Variants in SMIM13 observed in about 807,000 individuals in gnomAD.
SMIM13 encodes the protein small integral membrane protein 13, also known as UPF0766 protein C6orf228.
A neutral mutation model predicts 5.9 loss-of-function variants in SMIM13; 3 were observed. The ratio of observed to expected loss-of-function variants is 0.51; its 90% CI spans 0.23 to 1.31. SMIM13 has a LOEUF of 1.31. Among genes scored for constraint, SMIM13 ranks in the 40% most tolerant of loss-of-function variants. The pLI is 0.18. For synonymous variants in SMIM13, 55 were observed against 46.0 expected (o/e 1.19, Z -0.79); for missense variants, 85 against 109.9 (o/e 0.77, Z 1.01).
intron 1 of SMIM13, among the ~76,000 whole-genome samples, chr6:11,095,669 A>G (rs986483157): frequency 3.9e-5 from 6 of 152,310 alleles, no homozygotes; most frequent in African/African-American, 1.4e-4. Context: ...TATGTTTAAA[A>G]TTTGTTGTGC....
intron 1 of SMIM13, among the ~76,000 whole-genome samples, chr6:11,116,318 C>T (rs1013485058): frequency 6.6e-6 from 1 of 152,196 alleles, no homozygotes; most frequent in African/African-American, 2.4e-5. Context: ...TGCTCCTGGC[C>T]AGCTTTGCCA....
intron 1 of SMIM13, among the ~76,000 whole-genome samples, chr6:11,100,628 T>C (rs957502120): frequency 1.3e-5 from 2 of 152,242 alleles, no homozygotes; most frequent in Non-Finnish European, 2.9e-5. Context: ...CTAGTAGCTT[T>C]CTAGGAAAGA....
At chr6:11,100,678 A>G (rs1465287373) in intron 1 of SMIM13, among the ~76,000 whole-genome samples, 1 of 152,138 alleles carries the variant, frequency 6.6e-6, no homozygotes, top group Non-Finnish European at 1.5e-5. Flanking sequence ...GCATACCTGA[A>G]AATGTCTCTA....
At chr6:11,128,561 A>G (rs955134256) in intron 1 of SMIM13, among the ~76,000 whole-genome samples, 3 of 152,076 alleles carry the variant, frequency 2.0e-5, no homozygotes, top group African/African-American at 7.2e-5. Flanking sequence ...CTCTAAGTCC[A>G]CTGGCTCCAA....
At chr6:11,097,453 C>T (rs4713179) in intron 1 of SMIM13, among the ~76,000 whole-genome samples, 12 of 151,410 alleles carry the variant, frequency 7.9e-5, no homozygotes, top group South Asian at 4.2e-4. Context: ...ATCAGGAGTT[C>T]GAGACCAGCC....
chr6:11,109,217 T>C (rs370148287), intron 1 of SMIM13, among the ~76,000 whole-genome samples: 7 of 152,338 alleles, frequency 4.6e-5, no homozygotes, highest in African/African-American at 1.7e-4. Context: ...TGAGTTCAGA[T>C]GTTAAGCCCA....
At position 11,111,447 on chromosome 6, in the gene SMIM13, G is replaced by T. The variant is rs999888693; in HGVS notation, c.76+17058G>T. On this transcript the variant is annotated intron_variant, in intron 1 of 1. Coordinates refer to ENST00000416247, the MANE Select transcript of SMIM13 (RefSeq NM_001135575.2). ...TCTCATCAGCCTCCTGTCTGGGGGGGCCATTAGTGTCTCAGGTCTACTTAG... is the reference window on the plus strand; with the variant it reads ...TCTCATCAGCCTCCTGTCTGGGGGGTCCATTAGTGTCTCAGGTCTACTTAG... Among the ~76,000 whole-genome samples, 195 of 152,278 alleles carry T rather than the reference G, an allele frequency of 1.3e-3. 5 individuals are homozygous for T. In the East Asian group the frequency reaches 0.034, roughly 27 times the overall value.
intron 1 of SMIM13, among the ~76,000 whole-genome samples, chr6:11,126,546 T>C (rs1331397259): frequency 6.6e-6 from 1 of 152,186 alleles, no homozygotes; most frequent in Non-Finnish European, 1.5e-5. Context: ...TCATTCTCTT[T>C]AATTTTGTTG....
intron 1 of SMIM13, chr6:11,102,748 G>C (rs918471173): frequency 6.6e-6 from 1 of 152,204 alleles, no homozygotes; most frequent in Non-Finnish European, 1.5e-5. Context: ...CCTAAATGGT[G>C]GAACTGTTAC....
intron 1 of SMIM13, among the ~76,000 whole-genome samples, chr6:11,122,027 C>T: frequency 6.6e-6 from 1 of 152,238 alleles, no homozygotes; most frequent in Admixed American, 6.5e-5. Flanking sequence ...CCCATGGGCA[C>T]CCCACTGCTA....
In SMIM13 at chr6:11,124,799, G is replaced by T. The variant is rs140125217; in HGVS notation, c.77-9604G>T. Among the ~76,000 whole-genome samples, 104 of 152,194 alleles carry T rather than the reference G, an allele frequency of 6.8e-4. 2 individuals are homozygous for T. The East Asian group carries it at 0.015, about 22-fold the overall frequency. ...TTGAGCACCTTTTTATATACCTTCA[G>T]GTGGTTTCTTATCAGTAATGTCCTT... is the stretch of plus-strand genomic sequence containing the variant. On this transcript the variant is annotated intron_variant, in intron 1 of 1. Coordinates refer to ENST00000416247, the MANE Select transcript of SMIM13 (RefSeq NM_001135575.2).
chr6:11,133,595 A>G (rs1253668562), intron 1 of SMIM13, among the ~76,000 whole-genome samples: 1 of 152,310 alleles, frequency 6.6e-6, no homozygotes, highest in Non-Finnish European at 1.5e-5. Flanking sequence ...TGGTTAAGTT[A>G]GTTAATTTTA....
At chr6:11,108,294 C>T (rs1187623534) in intron 1 of SMIM13, among the ~76,000 whole-genome samples, 3 of 152,218 alleles carry the variant, frequency 2.0e-5, no homozygotes, top group Non-Finnish European at 2.9e-5. Context: ...CAAAAGAAAA[C>T]TTACAGTCCT....
chr6:11,100,097 G>T (rs1757971881), intron 1 of SMIM13, among the ~76,000 whole-genome samples: 1 of 151,856 alleles, frequency 6.6e-6, no homozygotes, highest in Admixed American at 6.6e-5. Flanking sequence ...GTCTCACTCT[G>T]TTGCCCAGGC....
intron 1 of SMIM13, among the ~76,000 whole-genome samples, chr6:11,133,924 G>A (rs759874297): frequency 3.3e-5 from 5 of 150,866 alleles, no homozygotes; most frequent in African/African-American, 4.9e-5. Context: ...AGAAACTTAC[G>A]AATAGCTTGG....
In SMIM13 at chr6:11,135,946, G is replaced by T. The variant is rs545147401; in HGVS notation, c.*1344G>T. 24 of 152,174 alleles carry T rather than the reference G, an allele frequency of 1.6e-4. No individual in the cohort carries two copies. Among genetic ancestry groups the T allele is most frequent in the African/African-American group, 5.5e-4 (23 of 41,516 alleles). The allele number at this position is 152,174 out of a possible 1,614,324, so 9.4% of individuals were successfully genotyped here. A position where few individuals can be genotyped will look rare whatever the true frequency, so the allele number is the denominator to read the frequency against. ...TAAATTTATTTTTCTTTTTAAGATAGCAGTTATTTATTGGGGAATTTGATT... is the reference window on the plus strand; with the variant it reads ...TAAATTTATTTTTCTTTTTAAGATATCAGTTATTTATTGGGGAATTTGATT... On this transcript the variant is annotated 3_prime_UTR_variant, in exon 2 of 2. Coordinates refer to ENST00000416247, the MANE Select transcript of SMIM13 (RefSeq NM_001135575.2).
rs145688318 is a variant in SMIM13, at chr6:11,136,023, G to A, written c.*1421G>A. Reference sequence around the variant, plus strand: ...ATCCTGTGTGAAACACATGTTTTTGGGGGGGAGGGGGTAACCAAGATTTCA... The same window carrying A: ...ATCCTGTGTGAAACACATGTTTTTGAGGGGGAGGGGGTAACCAAGATTTCA... On this transcript the variant is annotated 3_prime_UTR_variant, in exon 2 of 2. Coordinates refer to ENST00000416247, the MANE Select transcript of SMIM13 (RefSeq NM_001135575.2). The A allele has an allele frequency of 6.6e-6, 1 of 152,076 alleles. No homozygotes were observed. The highest frequency in any genetic ancestry group is 2.4e-5 in the African/African-American group (1 of 41,400). The allele number at this position is 152,076 out of a possible 1,614,324, so 9.4% of individuals were successfully genotyped here.
At chr6:11,102,537 AG>A (rs1169145804) in intron 1 of SMIM13, 2 of 152,254 alleles carry the variant, frequency 1.3e-5, no homozygotes. Context: ...ATGAACAGGC[AG>A]GGCCAAACTG....
chr6:11,131,198 G>C (rs944978268), intron 1 of SMIM13, among the ~76,000 whole-genome samples: 20 of 152,078 alleles, frequency 1.3e-4, no homozygotes, highest in African/African-American at 4.8e-4. Flanking sequence ...ATGGCATTGA[G>C]GTATTTACAA....
Sources: gnomAD v4.1 joint callset for allele counts (sites outside exome capture counted in the v4.1 genomes callset) on GRCh38, gnomAD v4.1.1 for gene constraint, MANE v1.5 for transcripts, NCBI Gene and HGNC (gene_info 2026-07-23, HGNC 2026-07-21) for gene names.